Variants in PRIM2 observed in about 807,000 individuals in gnomAD.
PRIM2 encodes DNA primase subunit 2.
Under a neutral mutation model 67.3 loss-of-function variants are expected in PRIM2, and 39 were observed. The ratio of observed to expected loss-of-function variants is 0.58; its 90% CI spans 0.45 to 0.76. The LOEUF (loss-of-function observed/expected upper bound fraction) is 0.76, where lower values mean the gene tolerates loss of function less well. PRIM2 is among the 30% of genes least tolerant of loss of function. PRIM2 has a pLI of 0.00. For missense variants in PRIM2, 398 were observed against 598.7 expected, an observed-to-expected ratio of 0.66 and a Z score of 3.50; for synonymous variants, 143 against 198.7, an observed-to-expected ratio of 0.72 and a Z score of 2.36.
intron 10 of PRIM2, among the ~76,000 whole-genome samples, chr6:57,562,996 C>T (rs1775667871): frequency 1.3e-5 from 2 of 152,156 alleles, no homozygotes; most frequent in East Asian, 3.9e-4. Flanking sequence ...ACGAGGGCCA[C>T]TGTTTGGGCC....
Position 57,568,435 on chromosome 6 carries a change from C to G in PRIM2, c.1020+30810C>G, listed in dbSNP as rs1316660797. ...TGAAGAACTGTGGGTTTGCAGGCTT[C>G]TGTGTCAATATTTTATGGGAAAAAC... On this transcript the variant is annotated intron_variant, in intron 10 of 13. Coordinates refer to ENST00000615550, the MANE Select transcript of PRIM2 (RefSeq NM_000947.5). Among the ~76,000 whole-genome samples, 3 of 152,092 alleles carry G rather than the reference C, an allele frequency of 2.0e-5. No homozygotes were observed. In the South Asian group the frequency reaches 6.2e-4, roughly 32 times the overall value.
chr6:57,388,010 G>A, intron 7 of PRIM2, among the ~76,000 whole-genome samples: 1 of 152,088 alleles, frequency 6.6e-6, no homozygotes, highest in Non-Finnish European at 1.5e-5. Context: ...GCCCCCAAAG[G>A]GAGGAATCTT....
At chr6:57,645,146 AAC>A (rs1777311935) in intron 13 of PRIM2, among the ~76,000 whole-genome samples, 1 of 152,146 alleles carries the variant, frequency 6.6e-6, no homozygotes, top group East Asian at 1.9e-4. Context: ...TCAGCTCTAA[AAC>A]ACAAGTGGTA....
At chr6:57,510,498 A>G (rs1554347611) in intron 8 of PRIM2, among the ~76,000 whole-genome samples, 1 of 152,088 alleles carries the variant, frequency 6.6e-6, no homozygotes, top group Non-Finnish European at 1.5e-5. Flanking sequence ...TTAACTACTG[A>G]CACATCTCTT....
chr6:57,411,696 G>T (rs557947961), intron 7 of PRIM2, among the ~76,000 whole-genome samples: 2 of 152,144 alleles, frequency 1.3e-5, no homozygotes, highest in African/African-American at 4.8e-5. Context: ...AACCTACTAT[G>T]TCAAGGTATA....
At chr6:57,320,333 A>C in intron 2 of PRIM2, 124 bp from the exon 3 acceptor site, 1 of 607,938 alleles carries the variant, frequency 1.6e-6, no homozygotes, top group East Asian at 2.9e-5. Context: ...GTTACAGGAA[A>C]TAAACTGGCA....
chr6:57,609,629 C>T (rs1467816662), intron 12 of PRIM2, among the ~76,000 whole-genome samples: 1 of 152,132 alleles, frequency 6.6e-6, no homozygotes, highest in Non-Finnish European at 1.5e-5. Context: ...TCTCCGTTTG[C>T]CCTTGATCCA....
chr6:57,572,035 C>T (rs1775873344), intron 10 of PRIM2, among the ~76,000 whole-genome samples: 1 of 152,158 alleles, frequency 6.6e-6, no homozygotes. Context: ...TCTGTTTTAT[C>T]GTTCATGAAT....
chr6:57,362,910 A>T (rs534974316), intron 5 of PRIM2, among the ~76,000 whole-genome samples: 1 of 152,214 alleles, frequency 6.6e-6, no homozygotes, highest in Non-Finnish European at 1.5e-5. Context: ...TGCAAATTTC[A>T]AAGACTTGAT....
At chr6:57,427,692 T>G (rs1473159) in intron 7 of PRIM2, among the ~76,000 whole-genome samples, 4 of 152,142 alleles carry the variant, frequency 2.6e-5, no homozygotes, top group African/African-American at 4.8e-5. Context: ...ATAATTTTTT[T>G]GGGGGGAGAT....
chr6:57,631,845 G>T (rs1777041383), intron 12 of PRIM2, among the ~76,000 whole-genome samples: 1 of 152,160 alleles, frequency 6.6e-6, no homozygotes, highest in South Asian at 2.1e-4. Flanking sequence ...ATCATACCAG[G>T]ATCCATTTTC....
rs1489017103 is a variant in PRIM2 at position 57,535,758 on chromosome 6, A to G, written c.835-1682A>G. ...CAGGCACCTGTAATCCCTGCTACTC[A>G]GGAGGCTGAAGCAGGAGAATCGCAT... On this transcript the variant is annotated intron_variant, in intron 9 of 13. Transcript: ENST00000615550. Among the ~76,000 whole-genome samples the G allele has an allele frequency of 3.3e-5, 5 of 152,164 alleles. No individual in the cohort carries two copies. In the East Asian group the frequency reaches 7.7e-4, roughly 24 times the overall value.
At chr6:57,614,578 T>C (rs1178485338) in intron 12 of PRIM2, among the ~76,000 whole-genome samples, 3 of 152,088 alleles carry the variant, frequency 2.0e-5, no homozygotes, top group Admixed American at 6.6e-5. Flanking sequence ...TGGCTGGGTG[T>C]GGTGGCTCAC....
chr6:57,562,973 A>G (rs1393019254), intron 10 of PRIM2, among the ~76,000 whole-genome samples: 29 of 152,336 alleles, frequency 1.9e-4, no homozygotes, highest in African/African-American at 7.0e-4. Flanking sequence ...CAGTGTCATT[A>G]TAAGCAGAGA....
intron 10 of PRIM2, among the ~76,000 whole-genome samples, chr6:57,568,022 T>C (rs1775782847): frequency 1.3e-5 from 2 of 152,198 alleles, no homozygotes; most frequent in South Asian, 4.1e-4. Flanking sequence ...TTATACAATA[T>C]TATGAAAAGC....
chr6:57,281,789 C>T, the PRIM2 span, among the ~76,000 whole-genome samples: 1 of 152,264 alleles, frequency 6.6e-6, no homozygotes, highest in African/African-American at 2.4e-5. Context: ...GATGAATTCT[C>T]ACTCACTAAG....
At chr6:57,511,175 A>G (rs1554347682) in intron 8 of PRIM2, among the ~76,000 whole-genome samples, 59,368 of 149,540 alleles carry the variant, frequency 0.4, 11,721 homozygotes, top group African/African-American at 0.55. Flanking sequence ...AACACTGCCA[A>G]TCAAATAATC....
intron 7 of PRIM2, among the ~76,000 whole-genome samples, chr6:57,490,700 G>T (rs1773868529): frequency 1.3e-5 from 2 of 152,188 alleles, no homozygotes; most frequent in Admixed American, 1.3e-4. Context: ...ATAGATAAAA[G>T]TGGATTGTTG....
intron 5 of PRIM2, among the ~76,000 whole-genome samples, chr6:57,379,615 T>G (rs1444135427): frequency 6.6e-6 from 1 of 152,174 alleles, no homozygotes; most frequent in Non-Finnish European, 1.5e-5. Context: ...AGTTTTTTCC[T>G]TTTTCTCATT....
Sources: allele counts gnomAD v4.1 joint callset (sites outside exome capture counted in the v4.1 genomes callset), GRCh38; gene constraint gnomAD v4.1.1; transcripts MANE v1.5; gene names NCBI Gene and HGNC (gene_info 2026-07-23, HGNC 2026-07-21).